Variants in NRXN2 observed in about 807,000 individuals in gnomAD.
NRXN2 encodes the protein neurexin 2.
In NRXN2, 29 loss-of-function variants were observed where a neutral mutation model predicts 128.8. That is an observed-to-expected ratio of 0.23 (90% CI 0.17 to 0.31). NRXN2 has a LOEUF of 0.31. NRXN2 is among the 10% of genes least tolerant of loss of function. The probability of loss-of-function intolerance (pLI) is 1.00; values close to 1 mark genes in which losing one functional copy is unlikely to be tolerated. For missense variants in NRXN2, 1,881 were observed against 2,452.6 expected (o/e 0.77, Z 4.92); for synonymous variants, 1,098 against 1,075.2 (o/e 1.02, Z -0.41).
intron 9 of NRXN2, among the ~76,000 whole-genome samples, chr11:64,662,848 C>G (rs75468716): frequency 2.0e-5 from 3 of 151,882 alleles, no homozygotes; most frequent in African/African-American, 4.8e-5. Context: ...TCTCTCCTCA[C>G]GCAAGACCCC....
In NRXN2 at chr11:64,660,906, C is replaced by A; in HGVS notation, c.2032G>T (p.Gly678Trp). The A allele has an allele frequency of 6.2e-7, 1 of 1,613,676 alleles. No homozygotes were observed. Among genetic ancestry groups the A allele is most frequent in the Non-Finnish European group, 8.5e-7 (1 of 1,179,758 alleles). Residue 678 changes from glycine to tryptophan, a missense_variant, in exon 10 of 23, where the codon GGG becomes TGG. Physicochemically the swap from Gly to Trp is radical, Grantham distance 184. Around this residue, in one of 7 missense-constraint regions of NRXN2, gnomAD observed 997 missense variants for 1,240.8 expected, o/e 0.80. Transcript: ENST00000265459. The surrounding 1 kb of genome is among the most constrained non-coding windows in gnomAD (Gnocchi z 5.2). ...CAAAAGGGGGCAACGCCCACAGCCC[C>A]CTGAGCCTCAGCCAGGCCCCGGAGG... ...RDLRGLAEAQ[G>W]AVGVAPFCSR...
At position 64,660,004 on chromosome 11, in the gene NRXN2, C is replaced by T. The variant is rs2048796513; in HGVS notation, c.2389+328G>A. Among the ~76,000 whole-genome samples the T allele has an allele frequency of 6.6e-6, 1 of 152,214 alleles. No homozygotes were observed. Among genetic ancestry groups the T allele is most frequent in the South Asian group, 2.1e-4 (1 of 4,828 alleles). The stretch of plus-strand genomic sequence containing the variant: ...AATGAGCAAGTGGATGAGCCATTGA[C>T]CAAAAATGAGCTGTGTCATCTGTGT... On this transcript the variant is annotated intron_variant, in intron 11 of 22. Transcript: ENST00000265459. The surrounding 1 kb of genome is among the most constrained non-coding windows in gnomAD (Gnocchi z 5.2).
At position 64,630,583 on chromosome 11, in the gene NRXN2, T is replaced by C. The variant is rs772425011; in HGVS notation, c.3586-10A>G. Reference sequence around the variant, plus strand: ...CCACGGTGCCCTGGTCCTGGGGACATGGAGGTGGAGGTCAGCGACCAGAGG... The same window carrying C: ...CCACGGTGCCCTGGTCCTGGGGACACGGAGGTGGAGGTCAGCGACCAGAGG... On this transcript the variant is annotated splice_polypyrimidine_tract_variant and intron_variant, in intron 18 of 22. Coordinates refer to ENST00000265459, the MANE Select transcript of NRXN2 (RefSeq NM_015080.4). The surrounding 1 kb of genome is among the most constrained non-coding windows in gnomAD (Gnocchi z 4.6). 6.2e-6 allele frequency: 10 copies of C among 1,613,496 alleles called. No individual in the cohort carries two copies. In the East Asian group the frequency reaches 2.0e-4, roughly 32 times the overall value.
chr11:64,684,628 C>G (rs1301191837), intron 6 of NRXN2, among the ~76,000 whole-genome samples: 1 of 152,044 alleles, frequency 6.6e-6, no homozygotes, highest in African/African-American at 2.4e-5. Context: ...AGCCAAGATC[C>G]TGAGCCTGCT....
chr11:64,641,964 G>A (rs1467813971), intron 17 of NRXN2, among the ~76,000 whole-genome samples: 6 of 151,984 alleles, frequency 3.9e-5, no homozygotes, highest in Non-Finnish European at 7.4e-5. Context: ...AAGAAAGGAA[G>A]GTTGCTAGAG....
intron 9 of NRXN2, among the ~76,000 whole-genome samples, chr11:64,666,555 G>A (rs1346291435): frequency 6.6e-6 from 1 of 151,556 alleles, no homozygotes; most frequent in African/African-American, 2.4e-5. Context: ...GGGAGGCATG[G>A]CTGGGAAGAT....
rs2043777973 is a variant in NRXN2 at position 64,630,697 on chromosome 11, A to AC, written c.3586-125dup. ...CTTAAGGCACCTTTCCCAGGTCTCA[A>AC]CCGCTGGAGGAGGTGGGCAGGCTCG... is the stretch of plus-strand genomic sequence containing the variant. On this transcript the variant is annotated intron_variant, in intron 18 of 22. Transcript: ENST00000265459. The surrounding 1 kb of genome is among the most constrained non-coding windows in gnomAD (Gnocchi z 4.6). 8.8e-7 allele frequency: 1 copy of AC among 1,134,230 alleles called. No homozygotes were observed. Among genetic ancestry groups the AC allele is most frequent in the Non-Finnish European group, 1.3e-6 (1 of 778,612 alleles). 70.3% of individuals were successfully genotyped at this position (1,134,230 alleles called of 1,614,324 possible).
chr11:64,625,308 T>C (rs551650937), intron 20 of NRXN2, among the ~76,000 whole-genome samples: 40 of 152,262 alleles, frequency 2.6e-4, no homozygotes, highest in African/African-American at 9.4e-4. Context: ...GCCACAGTGT[T>C]AGCAAACTTG....
rs755765689 is a variant in NRXN2 at position 64,660,576 on chromosome 11, C to T, written c.2186-41G>A. 5.0e-5 allele frequency: 81 copies of T among 1,607,342 alleles called. No individual in the cohort carries two copies. Among genetic ancestry groups the T allele is most frequent in the Non-Finnish European group, 6.3e-5 (74 of 1,175,222 alleles). ...GGGGAAGAGGGAAGGAGAAGACAGG[C>T]AGAGGCCAGGGGAGGGAGAAGACCA... On this transcript the variant is annotated intron_variant, in intron 10 of 22. Coordinates refer to ENST00000265459, the MANE Select transcript of NRXN2 (RefSeq NM_015080.4). This position sits in a 1 kb window ranked among gnomAD's most constrained non-coding sequence, Gnocchi z 5.2.
At chr11:64,716,219 CGGAG>C (rs1204492324) in intron 1 of NRXN2, among the ~76,000 whole-genome samples, 1 of 152,170 alleles carries the variant, frequency 6.6e-6, no homozygotes. Context: ...TTTCCGCTGG[CGGAG>C]GGAAAAGGAT....
Position 64,660,251 on chromosome 11 carries a change from C to T in NRXN2, c.2389+81G>A. On this transcript the variant is annotated intron_variant, in intron 11 of 22. Transcript: ENST00000265459. The surrounding 1 kb of genome is among the most constrained non-coding windows in gnomAD (Gnocchi z 5.2). ...AGGGCACCTCTTGCTGGTGCCACCACCAGCTTCTCCAGACAGAGGCAGGTG... is the reference window on the plus strand; with the variant it reads ...AGGGCACCTCTTGCTGGTGCCACCATCAGCTTCTCCAGACAGAGGCAGGTG... The T allele has an allele frequency of 6.6e-7, 1 of 1,511,940 alleles. No homozygotes were observed. 93.7% of individuals were successfully genotyped at this position (1,511,940 alleles called of 1,614,324 possible). A position where few individuals can be genotyped will look rare whatever the true frequency, so the allele number is the denominator to read the frequency against.
Position 64,660,462 on chromosome 11 carries a change from T to G in NRXN2, c.2259A>C (p.Ala753=). 6.2e-7 allele frequency: 1 copy of G among 1,614,210 alleles called. No individual in the cohort carries two copies. Among genetic ancestry groups the G allele is most frequent in the Non-Finnish European group, 8.5e-7 (1 of 1,180,030 alleles). ...ACATGAAACGCAGGGACACATCCTCTGCCTCCGTGTGCATGGCGTTAGGCA... is the reference window on the plus strand; with the variant it reads ...ACATGAAACGCAGGGACACATCCTCGGCCTCCGTGTGCATGGCGTTAGGCA... The part of the protein sequence containing the change: ...IMLPNAMHTE[A]EDVSLRFMSQ... The change falls in exon 11 of 23, where the codon GCA becomes GCC. Residue 753 remains alanine, a synonymous_variant. Transcript: ENST00000265459. This position sits in a 1 kb window ranked among gnomAD's most constrained non-coding sequence, Gnocchi z 5.2.
At chr11:64,654,306 C>T (rs1026501623) in intron 11 of NRXN2, among the ~76,000 whole-genome samples, 7 of 152,188 alleles carry the variant, frequency 4.6e-5, no homozygotes, top group Non-Finnish European at 8.8e-5. Flanking sequence ...CAGGAACCTT[C>T]CTTCCACCCT....
At chr11:64,720,995 G>A (rs1026242893) in intron 1 of NRXN2, among the ~76,000 whole-genome samples, 26 of 152,210 alleles carry the variant, frequency 1.7e-4, no homozygotes, top group Non-Finnish European at 3.1e-4. Flanking sequence ...TGGGGGCTCT[G>A]GGGGCACGTA....
At chr11:64,665,389 G>A (rs1034635842) in intron 9 of NRXN2, among the ~76,000 whole-genome samples, 9 of 152,188 alleles carry the variant, frequency 5.9e-5, no homozygotes, top group Non-Finnish European at 8.8e-5. Context: ...TCCAGAGATC[G>A]GTGTTGAGCT....
chr11:64,686,130 G>A (rs763613483), intron 5 of NRXN2, among the ~76,000 whole-genome samples, 183 bp from the exon 6 acceptor site: 9 of 151,990 alleles, frequency 5.9e-5, no homozygotes, highest in Admixed American at 1.3e-4. Flanking sequence ...GGACCCTGCC[G>A]TCTCTGCTGT....
In NRXN2 at chr11:64,630,368, C is replaced by G; in HGVS notation, c.3757+34G>C. On this transcript the variant is annotated intron_variant, in intron 19 of 22. Coordinates refer to ENST00000265459, the MANE Select transcript of NRXN2 (RefSeq NM_015080.4). The surrounding 1 kb of genome is among the most constrained non-coding windows in gnomAD (Gnocchi z 4.6). ...TATCAGAGGCCGCCACCCGCCCCGC[C>G]ACCGCGCCTCCTCCGCGGGCCCGCG... 6.3e-7 allele frequency: 1 copy of G among 1,595,722 alleles called. No individual in the cohort carries two copies. Among genetic ancestry groups the G allele is most frequent in the Non-Finnish European group, 8.5e-7 (1 of 1,173,392 alleles).
intron 9 of NRXN2, among the ~76,000 whole-genome samples, chr11:64,665,695 C>T (rs1421691615): frequency 6.6e-6 from 1 of 152,208 alleles, no homozygotes; most frequent in South Asian, 2.1e-4. Context: ...TGGGGAGGAG[C>T]GGTCACTCCA....
chr11:64,659,091 G>A lies in NRXN2; in HGVS notation c.2389+1241C>T, dbSNP rs183067458. On this transcript the variant is annotated intron_variant, in intron 11 of 22. Coordinates refer to ENST00000265459, the MANE Select transcript of NRXN2 (RefSeq NM_015080.4). ...CGAGGATTCTAACCTGCTCAGAAGA[G>A]CCCTGCTTCCCCTCTAGGTCCAGGA... Among the ~76,000 whole-genome samples, 191 of 152,350 alleles carry A rather than the reference G, an allele frequency of 1.3e-3. 1 individual carries two copies. The highest frequency in any genetic ancestry group is 7.2e-4 in the Non-Finnish European group (49 of 68,030).
Sources: gnomAD v4.1 joint callset for allele counts (sites outside exome capture counted in the v4.1 genomes callset) on GRCh38, gnomAD v4.1.1 for gene constraint, gnomAD v4.1.1 regional missense constraint, Gnocchi (gnomAD v3.1) non-coding constraint, MANE v1.5 for transcripts, NCBI Gene and HGNC (gene_info 2026-07-23, HGNC 2026-07-21) for gene names.